The following PLXNA4 variants were observed in gnomAD, a reference collection of about 807,000 sequenced individuals.
The protein encoded by PLXNA4 is plexin A4.
A neutral mutation model predicts 191.8 loss-of-function variants in PLXNA4; 44 were observed. That is an observed-to-expected ratio of 0.23 (90% confidence interval 0.18 to 0.29). The LOEUF is 0.29. Ranked by LOEUF, PLXNA4 falls within the 10% of genes least tolerant of loss-of-function variation. The pLI, the probability that PLXNA4 is intolerant of heterozygous loss-of-function variation, is 1.00. For missense variants in PLXNA4, 1,800 were observed against 2,488.8 expected (o/e 0.72, Z 5.89); for synonymous variants, 1,082 against 1,009.5 (o/e 1.07, Z -1.36).
intron 5 of PLXNA4, among the ~76,000 whole-genome samples, chr7:132,232,798 G>T (rs1484268337): frequency 6.6e-6 from 1 of 152,170 alleles, no homozygotes; most frequent in African/African-American, 2.4e-5. Context: ...AAGTCCTCTA[G>T]AAATTAATTC....
intron 8 of PLXNA4, among the ~76,000 whole-genome samples, chr7:132,225,854 G>T (rs1013607577): frequency 1.1e-4 from 16 of 152,208 alleles, no homozygotes; most frequent in African/African-American, 3.6e-4. Context: ...AATTGAGTTA[G>T]AAGGATTGAT....
intron 2 of PLXNA4, among the ~76,000 whole-genome samples, chr7:132,626,517 C>A (rs1379156946): frequency 6.6e-6 from 1 of 152,108 alleles, no homozygotes; most frequent in East Asian, 1.9e-4. Context: ...TCCTTGTGAT[C>A]ATGAGTGAGC....
At chr7:132,349,090 A>G (rs1353711145) in intron 3 of PLXNA4, among the ~76,000 whole-genome samples, 1 of 152,228 alleles carries the variant, frequency 6.6e-6, no homozygotes, top group South Asian at 2.1e-4. Context: ...GTCAAGGACC[A>G]TAATGGTCTC....
intron 1 of PLXNA4, among the ~76,000 whole-genome samples, chr7:132,524,422 C>A (rs1799317837): frequency 6.6e-6 from 1 of 152,182 alleles, no homozygotes; most frequent in Non-Finnish European, 1.5e-5. Flanking sequence ...AAAGGGGAAA[C>A]AGCATTGATC....
chr7:132,403,740 G>A (rs1417671317), intron 3 of PLXNA4, among the ~76,000 whole-genome samples: 1 of 152,158 alleles, frequency 6.6e-6, no homozygotes, highest in African/African-American at 2.4e-5. Context: ...TCACTTTGTG[G>A]GGTGGGAGGG....
chr7:132,566,092 T>G (rs1436127549), intron 1 of PLXNA4, among the ~76,000 whole-genome samples: 2 of 152,246 alleles, frequency 1.3e-5, no homozygotes, highest in Non-Finnish European at 2.9e-5. Flanking sequence ...CAATGCTTTA[T>G]GAATGGGCGT....
In PLXNA4 at chr7:132,228,372, T is replaced by C. The variant is rs1291453076; in HGVS notation, c.1702A>G (p.Ile568Val). The C allele has an allele frequency of 1.9e-6, 3 of 1,613,910 alleles. No individual in the cohort carries two copies. The highest frequency in any genetic ancestry group is 1.1e-5 in the South Asian group (1 of 91,076). Residue 568 changes from isoleucine to valine, a missense_variant, in exon 6 of 32, where the codon ATC (isoleucine) becomes GTC (valine). Ile to Val is a conservative substitution (Grantham distance 29, BLOSUM62 3). Around this residue, in one of 6 missense-constraint regions of PLXNA4, gnomAD observed 1,397 missense variants for 1,880.4 expected, o/e 0.74. Coordinates refer to ENST00000321063, the MANE Select transcript of PLXNA4 (RefSeq NM_020911.2). ...CVRLTVHPNN[I>V]SVSQYNVLLV... ...AGCACGTTGTACTGAGAGACGGAGA[T>C]ATTGTTGGGATGGACCGTCAGCCGG...
At chr7:132,481,222 C>T (rs923386054) in intron 3 of PLXNA4, among the ~76,000 whole-genome samples, 17 of 151,944 alleles carry the variant, frequency 1.1e-4, no homozygotes, top group South Asian at 4.2e-4. Flanking sequence ...CAGTTTCAAC[C>T]GCCCTAGCAT....
At chr7:132,179,050 ACACACACG>A (rs1228421960) in intron 20 of PLXNA4, among the ~76,000 whole-genome samples, 4 of 127,342 alleles carry the variant, frequency 3.1e-5, no homozygotes, top group Admixed American at 7.6e-5. Context: ...ACACACACAC[ACACACACG>A]GCCTCCAGCA....
At chr7:132,426,562 G>C (rs1485575895) in intron 3 of PLXNA4, among the ~76,000 whole-genome samples, 1 of 152,150 alleles carries the variant, frequency 6.6e-6, no homozygotes, top group Non-Finnish European at 1.5e-5. Flanking sequence ...AGGCAAATTT[G>C]CTCTAGTAGC....
chr7:132,467,234 G>A (rs918305887), intron 3 of PLXNA4, among the ~76,000 whole-genome samples: 1 of 152,120 alleles, frequency 6.6e-6, no homozygotes, highest in African/African-American at 2.4e-5. Flanking sequence ...CTGGTCTTGG[G>A]GCCAAAAGAG....
intron 2 of PLXNA4, among the ~76,000 whole-genome samples, chr7:132,505,966 G>A (rs1023349475): frequency 1.1e-4 from 16 of 152,116 alleles, no homozygotes; most frequent in African/African-American, 3.4e-4. Context: ...TAGATAAAGT[G>A]GAGTCCCCTC....
intron 3 of PLXNA4, among the ~76,000 whole-genome samples, chr7:132,472,041 T>C (rs1037050926): frequency 6.6e-6 from 1 of 152,240 alleles, no homozygotes; most frequent in African/African-American, 2.4e-5. Context: ...TCGGAACTTG[T>C]ACTCTGCAGA....
rs144755839 is a variant in PLXNA4, at chr7:132,216,613, A to C, written c.2098-5470T>G. Among the ~76,000 whole-genome samples, 191 of 152,322 alleles carry C rather than the reference A, an allele frequency of 1.3e-3. 2 individuals are homozygous for C. In the East Asian group the frequency reaches 0.035, roughly 28 times the overall value. The stretch of plus-strand genomic sequence containing the variant: ...AAGCATTCAATTCAGTGTCCATTCC[A>C]CTACCTCCATCCCCTTCCACATATT... On this transcript the variant is annotated intron_variant, in intron 9 of 31. Transcript: ENST00000321063.
At chr7:132,534,180 C>T (rs1423676289) in intron 1 of PLXNA4, among the ~76,000 whole-genome samples, 2 of 152,036 alleles carry the variant, frequency 1.3e-5, no homozygotes, top group Admixed American at 1.3e-4. Flanking sequence ...AAACAGAAAG[C>T]CGGTCAGCTT....
intron 1 of PLXNA4, among the ~76,000 whole-genome samples, chr7:132,563,583 CTTCTCCTCATCCT>C: frequency 7.8e-6 from 1 of 127,932 alleles, no homozygotes; most frequent in Non-Finnish European, 1.7e-5. Flanking sequence ...CCTCCTCCTC[CTTCTCCTCATCCT>C]TTCTCCTCCT....
At chr7:132,605,115 C>T (rs971067918) in intron 2 of PLXNA4, among the ~76,000 whole-genome samples, 15 of 152,234 alleles carry the variant, frequency 9.9e-5, no homozygotes, top group African/African-American at 3.6e-4. Flanking sequence ...ATTCTCACAA[C>T]TTACGAGATT....
At chr7:132,175,044 G>A (rs1056517016) in intron 20 of PLXNA4, 124 bp from the exon 21 acceptor site, 82 of 1,420,740 alleles carry the variant, frequency 5.8e-5, no homozygotes, top group African/African-American at 1.4e-4. Flanking sequence ...CACGATGGGC[G>A]GGAATAACTG....
At chr7:132,257,810 G>T (rs10271349) in intron 4 of PLXNA4, among the ~76,000 whole-genome samples, 2 of 152,200 alleles carry the variant, frequency 1.3e-5, no homozygotes, top group East Asian at 3.9e-4. Context: ...TTTCCGAGGC[G>T]TCTTTCCAGC....
Sources: allele counts gnomAD v4.1 joint callset (sites outside exome capture counted in the v4.1 genomes callset), GRCh38; gene constraint gnomAD v4.1.1; regional missense constraint gnomAD v4.1.1; transcripts MANE v1.5; gene names NCBI Gene and HGNC (gene_info 2026-07-23, HGNC 2026-07-21).